Variants in KISS1 observed in about 807,000 individuals in gnomAD.
The protein encoded by KISS1 is KiSS-1 metastasis suppressor, also known as metastasis-suppressor KiSS-1.
For missense variants in KISS1, 182 were observed against 182.7 expected (o/e 1.00, Z 0.02); for synonymous variants, 97 against 88.7 (o/e 1.09, Z -0.52).
At chr1:204,193,308 G>C (rs1161762991) in intron 1 of KISS1, among the ~76,000 whole-genome samples, 1 of 152,132 alleles carries the variant, frequency 6.6e-6, no homozygotes, top group East Asian at 1.9e-4. Flanking sequence ...CCATATATAG[G>C]AGTGACTGGG....
intron 1 of KISS1, among the ~76,000 whole-genome samples, chr1:204,193,778 A>C (rs1340809876): frequency 6.6e-6 from 1 of 151,832 alleles, no homozygotes; most frequent in Non-Finnish European, 1.5e-5. Context: ...ACCATTTCCC[A>C]TCACCCTGCC....
intron 1 of KISS1, among the ~76,000 whole-genome samples, chr1:204,193,375 A>G (rs1235013651): frequency 6.6e-6 from 1 of 152,132 alleles, no homozygotes; most frequent in African/African-American, 2.4e-5. Context: ...TTGAGGTTCC[A>G]ATATTCTCTC....
chr1:204,195,427 TATACACAC>T (rs1658838185), intron 1 of KISS1, among the ~76,000 whole-genome samples: 1 of 117,580 alleles, frequency 8.5e-6, no homozygotes, highest in African/African-American at 3.4e-5. Flanking sequence ...CACACACACA[TATACACAC>T]ATACACCCAT....
chr1:204,195,367 A>G (rs1658834590), intron 1 of KISS1, among the ~76,000 whole-genome samples: 1 of 135,326 alleles, frequency 7.4e-6, no homozygotes. Context: ...ATATACACAC[A>G]TACACCTATA....
In KISS1 at chr1:204,192,470, A is replaced by G. The variant is rs1182168852; in HGVS notation, c.103+304T>C. Among the ~76,000 whole-genome samples the G allele has an allele frequency of 2.0e-5, 3 of 151,802 alleles. No individual in the cohort carries two copies. In the East Asian group the frequency reaches 5.8e-4, roughly 29 times the overall value. On this transcript the variant is annotated intron_variant, in intron 2 of 2. Transcript: ENST00000367194. The surrounding 1 kb of genome is among the most constrained non-coding windows in gnomAD (Gnocchi z 4.2). The stretch of plus-strand genomic sequence containing the variant: ...AAGGTTGCATATGAAGTTTCTTCTC[A>G]ACATCGGCACAGAGAGGTTGCTGAC...
chr1:204,190,718 A>C lies in KISS1; in HGVS notation c.183T>G (p.Thr61=). ...AGGTCCCCCGACGGCTCAGCCTGGC[A>C]GTAGCAGCTGGCTTCCTCTCGGTGC... is the stretch of plus-strand genomic sequence containing the variant. The part of the protein sequence containing the change: ...LPCTERKPAA[T]ARLSRRGTSL... The change falls in exon 3 of 3, where the codon ACT becomes ACG. Residue 61 remains threonine (T), a synonymous_variant. Coordinates refer to ENST00000367194, the MANE Select transcript of KISS1 (RefSeq NM_002256.4). The C allele has an allele frequency of 6.2e-7, 1 of 1,608,558 alleles. No homozygotes were observed. The highest frequency in any genetic ancestry group is 2.2e-5 in the East Asian group (1 of 44,690).
intron 1 of KISS1, among the ~76,000 whole-genome samples, chr1:204,195,627 C>T (rs1377575439): frequency 1.3e-5 from 2 of 150,072 alleles, no homozygotes; most frequent in Middle Eastern, 3.5e-3. Flanking sequence ...CACCCATACA[C>T]GTACATCATA....
rs1321583642 is a variant in KISS1 at position 204,192,415 on chromosome 1, C to A, written c.103+359G>T. 1.3e-5 allele frequency among the ~76,000 whole-genome samples: 2 copies of A among 148,422 alleles called. No individual in the cohort carries two copies. The highest frequency in any genetic ancestry group is 5.0e-5 in the African/African-American group (2 of 39,954). ...AGGTTTTTTTTTTTTTCCAAATTCT[C>A]CACAAAGAATCTGAGGTCACCGATA... On this transcript the variant is annotated intron_variant, in intron 2 of 2. Coordinates refer to ENST00000367194, the MANE Select transcript of KISS1 (RefSeq NM_002256.4). This position sits in a 1 kb window ranked among gnomAD's most constrained non-coding sequence, Gnocchi z 4.2.
chr1:204,191,147 G>A, intron 2 of KISS1, among the ~76,000 whole-genome samples: 1 of 152,194 alleles, frequency 6.6e-6, no homozygotes, highest in East Asian at 1.9e-4. Context: ...AGCAGCCTGG[G>A]CAGTGGGGCC....
chr1:204,190,409 T>TAC lies in KISS1; in HGVS notation c.*74_*75insGT. 6.3e-5 allele frequency: 36 copies of TAC among 570,054 alleles called. 1 individual carries two copies. The highest frequency in any genetic ancestry group is 1.5e-4 in the East Asian group (4 of 26,784). 35.3% of individuals were successfully genotyped at this position (570,054 alleles called of 1,614,324 possible). ...CAGCGCCCCCTCCCTTAGCCCTACG[T>TAC]CCCCGCCCCCCGCCCCCGCCCCGCA... On this transcript the variant is annotated 3_prime_UTR_variant, in exon 3 of 3. Coordinates refer to ENST00000367194, the MANE Select transcript of KISS1 (RefSeq NM_002256.4).
chr1:204,190,554 G>A lies in KISS1; in HGVS notation c.347C>T (p.Ser116Phe), dbSNP rs1658715551. The A allele has an allele frequency of 1.9e-6, 3 of 1,608,840 alleles. No homozygotes were observed. The highest frequency in any genetic ancestry group is 1.7e-6 in the Non-Finnish European group (2 of 1,178,292). ...EKDLPNYNWN[S>F]FGLRFGKREA... The stretch of plus-strand genomic sequence containing the variant: ...CCGCTTGCCGAAGCGCAGGCCGAAG[G>A]AGTTCCAGTTGTAGTTCGGCAGGTC... The change falls in exon 3 of 3, where the codon TCC becomes TTC. Residue 116 changes from serine (S) to phenylalanine (F), a missense_variant. Ser to Phe is a radical substitution (Grantham distance 155, BLOSUM62 -2). Coordinates refer to ENST00000367194, the MANE Select transcript of KISS1 (RefSeq NM_002256.4).
chr1:204,196,346 T>C (rs1658857652), intron 1 of KISS1, 30 bp downstream of exon 1: 1 of 152,298 alleles, frequency 6.6e-6, no homozygotes, highest in Non-Finnish European at 1.5e-5. Context: ...CAGACCCCCT[T>C]CCCAGGGGTG....
intron 1 of KISS1, among the ~76,000 whole-genome samples, chr1:204,195,641 ACACATACAC>A (rs1230908139): frequency 7.3e-5 from 11 of 151,384 alleles, no homozygotes; most frequent in African/African-American, 2.2e-4. Flanking sequence ...CATCATACAC[ACACATACAC>A]CACATACACC....
intron 1 of KISS1, among the ~76,000 whole-genome samples, chr1:204,194,040 A>T (rs1037798766): frequency 1.6e-4 from 24 of 152,226 alleles, no homozygotes; most frequent in African/African-American, 5.8e-4. Flanking sequence ...TCAGCTCCTA[A>T]TGGTGGCTCA....
Position 204,190,409 on chromosome 1 carries a change from T to TGCCCCC in KISS1, c.*74_*75insGGGGGC. Reference sequence around the variant, plus strand: ...CAGCGCCCCCTCCCTTAGCCCTACGTCCCCGCCCCCCGCCCCCGCCCCGCA... The same window carrying TGCCCCC: ...CAGCGCCCCCTCCCTTAGCCCTACGTGCCCCCCCCCGCCCCCCGCCCCCGCCCCGCA... On this transcript the variant is annotated 3_prime_UTR_variant, in exon 3 of 3. Coordinates refer to ENST00000367194, the MANE Select transcript of KISS1 (RefSeq NM_002256.4). The TGCCCCC allele has an allele frequency of 6.8e-4, 387 of 571,988 alleles. 3 individuals carry two copies. The highest frequency in any genetic ancestry group is 1.8e-3 in the East Asian group (47 of 26,784). 35.4% of individuals were successfully genotyped at this position (571,988 alleles called of 1,614,324 possible). A position where few individuals can be genotyped will look rare whatever the true frequency, so the allele number is the denominator to read the frequency against.
At position 204,192,734 on chromosome 1, in the gene KISS1, C is replaced by T; in HGVS notation, c.103+40G>A. 2 of 1,272,514 alleles carry T rather than the reference C, an allele frequency of 1.6e-6. No individual in the cohort carries two copies. Among genetic ancestry groups the T allele is most frequent in the Non-Finnish European group, 2.3e-6 (2 of 886,108 alleles). The allele number at this position is 1,272,514 out of a possible 1,614,324, so 78.8% of individuals were successfully genotyped here. Reference sequence around the variant, plus strand: ...CGGGAAAGCTCATTTTGCAACAACCCACTTGCTCCCTCCCACTCCTTTCCC... The same window carrying T: ...CGGGAAAGCTCATTTTGCAACAACCTACTTGCTCCCTCCCACTCCTTTCCC... On this transcript the variant is annotated intron_variant, in intron 2 of 2. Coordinates refer to ENST00000367194, the MANE Select transcript of KISS1 (RefSeq NM_002256.4). This position sits in a 1 kb window ranked among gnomAD's most constrained non-coding sequence, Gnocchi z 4.2.
At chr1:204,195,513 A>G (rs1220452322) in intron 1 of KISS1, among the ~76,000 whole-genome samples, 1 of 150,518 alleles carries the variant, frequency 6.6e-6, no homozygotes, top group Admixed American at 6.6e-5. Flanking sequence ...TACACCACAC[A>G]TACCACACAT....
chr1:204,193,838 T>C (rs544411468), intron 1 of KISS1, among the ~76,000 whole-genome samples: 1 of 151,444 alleles, frequency 6.6e-6, no homozygotes, highest in Non-Finnish European at 1.5e-5. Context: ...CTCTTCCGGC[T>C]CCCAAATCTA....
intron 2 of KISS1, among the ~76,000 whole-genome samples, chr1:204,191,097 A>G (rs920099791): frequency 6.6e-6 from 1 of 152,170 alleles, no homozygotes; most frequent in African/African-American, 2.4e-5. Flanking sequence ...AAACCAAAGT[A>G]TTTGCTGAAC....
Sources: allele counts gnomAD v4.1 joint callset (sites outside exome capture counted in the v4.1 genomes callset), GRCh38; gene constraint gnomAD v4.1.1; non-coding constraint Gnocchi (gnomAD v3.1); transcripts MANE v1.5; gene names NCBI Gene and HGNC (gene_info 2026-07-23, HGNC 2026-07-21).